The following TBXAS1 variants were observed in gnomAD, a reference collection of about 807,000 sequenced individuals.
The protein encoded by TBXAS1 is thromboxane A synthase 1, also known as thromboxane-A synthase.
TBXAS1 carries 48 observed loss-of-function variants against 60.7 expected under a neutral mutation model. That is an observed-to-expected ratio of 0.79 (90% confidence interval 0.63 to 1.01). The LOEUF is 1.01. Among genes scored for constraint, TBXAS1 ranks in the 50% least tolerant of loss-of-function variants. The pLI is 0.00. For synonymous variants in TBXAS1, 287 were observed against 269.7 expected (o/e 1.06, Z -0.63); for missense variants, 685 against 686.3 (o/e 1.00, Z 0.02).
intron 1 of TBXAS1, among the ~76,000 whole-genome samples, chr7:139,842,223 C>T (rs1449811884): frequency 1.3e-5 from 2 of 152,108 alleles, no homozygotes; most frequent in Non-Finnish European, 2.9e-5. Flanking sequence ...GGAATTCAGG[C>T]TTCTGGTAGC....
At chr7:139,964,901 C>T (rs1455846244) in intron 9 of TBXAS1, among the ~76,000 whole-genome samples, 1 of 152,198 alleles carries the variant, frequency 6.6e-6, no homozygotes, top group African/African-American at 2.4e-5. Flanking sequence ...TTATGTCAGT[C>T]TGCCAGGAGG....
In TBXAS1 at chr7:139,957,686, C is replaced by T. The variant is rs1339535067; in HGVS notation, c.741C>T (p.Asn247=). The T allele has an allele frequency of 6.2e-7, 1 of 1,614,104 alleles. No individual in the cohort carries two copies. The highest frequency in any genetic ancestry group is 8.5e-7 in the Non-Finnish European group (1 of 1,180,024). The change falls in exon 8 of 13, where the codon AAC becomes AAT. Residue 247 remains asparagine (N), a synonymous_variant. Coordinates refer to ENST00000448866, the MANE Select transcript of TBXAS1 (RefSeq NM_001061.7). ...TGGCCCGGATTTTGCCCAATAAGAA[C>T]CGAGACGAACTGAATGGCTTTTTTA... The part of the protein sequence containing the change: ...VPLARILPNK[N]RDELNGFFNK...
At chr7:139,934,263 A>G (rs1354492952) in intron 4 of TBXAS1, among the ~76,000 whole-genome samples, 1 of 149,646 alleles carries the variant, frequency 6.7e-6, no homozygotes, top group Non-Finnish European at 1.5e-5. Flanking sequence ...ATCTCGGCTC[A>G]CTGCAACCTC....
At chr7:139,875,690 G>T (rs762282094) in intron 3 of TBXAS1, 53 bp downstream of exon 3, 1 of 1,596,226 alleles carries the variant, frequency 6.3e-7, no homozygotes, top group Middle Eastern at 1.7e-4. Flanking sequence ...TATTATGTAC[G>T]ATATTTTGAT....
intron 8 of TBXAS1, among the ~76,000 whole-genome samples, chr7:139,961,159 G>A (rs1354603558): frequency 6.6e-6 from 1 of 152,208 alleles, no homozygotes; most frequent in Non-Finnish European, 1.5e-5. Flanking sequence ...AGAGGGAACC[G>A]ATGTGAAGAT....
intron 9 of TBXAS1, among the ~76,000 whole-genome samples, chr7:139,989,532 A>G (rs1174626493): frequency 2.6e-5 from 4 of 152,212 alleles, no homozygotes; most frequent in African/African-American, 9.7e-5. Flanking sequence ...CTCACTAGCC[A>G]GAGCAATCTA....
At chr7:139,825,472 G>T (rs1229125662), upstream of TBXAS1, among the ~76,000 whole-genome samples, 3 of 152,154 alleles carry the variant, frequency 2.0e-5, no homozygotes, top group South Asian at 2.1e-4. Flanking sequence ...CATATGAAGG[G>T]CTCCAAGAAT....
rs1813890989 is a variant in TBXAS1 at position 140,004,171 on chromosome 7, G to A, written c.1135-2920G>A. Among the ~76,000 whole-genome samples, 1 of 152,218 alleles carries A rather than the reference G, an allele frequency of 6.6e-6. No individual in the cohort carries two copies. Among genetic ancestry groups the A allele is most frequent in the Non-Finnish European group, 1.5e-5 (1 of 68,034 alleles). ...TTTCCAGACTGGCCCCTTTGGGCCA[G>A]TCAATCTTGGCCTGCAGGGCTGGCT... On this transcript the variant is annotated intron_variant, in intron 9 of 12. Coordinates refer to ENST00000448866, the MANE Select transcript of TBXAS1 (RefSeq NM_001061.7). This position sits in a 1 kb window ranked among gnomAD's most constrained non-coding sequence, Gnocchi z 5.1.
chr7:139,819,675 G>A (rs1004016240), intron 4 of TBXAS1, among the ~76,000 whole-genome samples: 1 of 152,002 alleles, frequency 6.6e-6, no homozygotes, highest in Non-Finnish European at 1.5e-5. Flanking sequence ...GCTAATTTTT[G>A]TATTTTTAGT....
chr7:139,956,289 G>A (rs1418920864), intron 7 of TBXAS1, among the ~76,000 whole-genome samples: 1 of 152,124 alleles, frequency 6.6e-6, no homozygotes, highest in African/African-American at 2.4e-5. Context: ...TGGGATTACA[G>A]GCATGCACCA....
At chr7:139,983,851 A>G (rs1410433533) in intron 9 of TBXAS1, among the ~76,000 whole-genome samples, 1 of 152,124 alleles carries the variant, frequency 6.6e-6, no homozygotes, top group Non-Finnish European at 1.5e-5. Flanking sequence ...GCTTCCTTCC[A>G]ATATTTTTAT....
chr7:139,921,828 C>T (rs144738197), intron 4 of TBXAS1, among the ~76,000 whole-genome samples: 87 of 152,292 alleles, frequency 5.7e-4, no homozygotes, highest in African/African-American at 2.0e-3. Context: ...TATCAACAGG[C>T]ATTTATGAAC....
At chr7:140,002,667 G>A (rs1179419468) in intron 9 of TBXAS1, among the ~76,000 whole-genome samples, 3 of 152,174 alleles carry the variant, frequency 2.0e-5, no homozygotes, top group Non-Finnish European at 4.4e-5. Flanking sequence ...GTGGAGAAGC[G>A]CTAGGGTAGG....
intron 9 of TBXAS1, among the ~76,000 whole-genome samples, chr7:139,994,946 C>G (rs561529666): frequency 6.6e-6 from 1 of 152,224 alleles, no homozygotes; most frequent in Non-Finnish European, 1.5e-5. Context: ...AGGGCCCTGA[C>G]CAGGGAGGAC....
At chr7:139,897,712 G>C (rs116221178) in intron 3 of TBXAS1, among the ~76,000 whole-genome samples, 10 of 152,224 alleles carry the variant, frequency 6.6e-5, no homozygotes, top group African/African-American at 2.2e-4. Context: ...GCGCTGGTTC[G>C]GTCCATTGAT....
chr7:139,962,527 C>T (rs1452880330), intron 9 of TBXAS1: 2 of 389,690 alleles, frequency 5.1e-6, no homozygotes, highest in Admixed American at 7.5e-5. Context: ...AGGTGTCAGG[C>T]CCAAAGGGCA....
At chr7:140,008,328 C>G (rs1814253443) in intron 10 of TBXAS1, among the ~76,000 whole-genome samples, 1 of 152,146 alleles carries the variant, frequency 6.6e-6, no homozygotes. Flanking sequence ...GGAAGCAGGC[C>G]AGTCACTCAG....
chr7:140,017,833 G>A lies in TBXAS1; in HGVS notation c.1527G>A (p.Gln509=), dbSNP rs762870650. 6.2e-7 allele frequency: 1 copy of A among 1,614,092 alleles called. No homozygotes were observed. The highest frequency in any genetic ancestry group is 8.5e-7 in the Non-Finnish European group (1 of 1,179,960). Residue 509 remains glutamine (Q), a splice_region_variant and synonymous_variant, in exon 12 of 13, where the codon CAG becomes CAA. Transcript: ENST00000448866. ...KFRFQACPET[Q]VPLQLESKSA... ...GGTTCCAAGCCTGCCCTGAGACCCAGGTGAGGCCCCCCTGCTCAGAGGCAG... is the reference window on the plus strand; with the variant it reads ...GGTTCCAAGCCTGCCCTGAGACCCAAGTGAGGCCCCCCTGCTCAGAGGCAG...
chr7:140,000,597 T>C (rs2116338084), intron 9 of TBXAS1, among the ~76,000 whole-genome samples: 1 of 152,330 alleles, frequency 6.6e-6, no homozygotes, highest in East Asian at 1.9e-4. Flanking sequence ...TTACTGCCCA[T>C]TGAAAATCAA....
Sources: gnomAD v4.1 joint callset for allele counts (sites outside exome capture counted in the v4.1 genomes callset) on GRCh38, gnomAD v4.1.1 for gene constraint, Gnocchi (gnomAD v3.1) non-coding constraint, MANE v1.5 for transcripts, NCBI Gene and HGNC (gene_info 2026-07-23, HGNC 2026-07-21) for gene names.